COL4A6: variants seen among roughly 807,000 people sequenced by gnomAD.
COL4A6 encodes collagen type IV alpha 6 chain.
Under a neutral mutation model 126.7 loss-of-function variants are expected in COL4A6, and 59 were observed. The observed-to-expected ratio is 0.47, with a 90% confidence interval of 0.38 to 0.58. COL4A6 has a LOEUF of 0.58. COL4A6 is among the 20% of genes least tolerant of loss of function. The pLI, the probability that COL4A6 is intolerant of heterozygous loss-of-function variation, is 0.00. For missense variants in COL4A6, 1,285 were observed against 1,337.3 expected, an observed-to-expected ratio of 0.96 and a Z score of 0.61; for synonymous variants, 547 against 496.6, an observed-to-expected ratio of 1.10 and a Z score of -1.35.
At chrX:108,387,577 C>A (rs1437449900) in intron 2 of COL4A6, among the ~76,000 whole-genome samples, 2 of 112,091 alleles carry the variant, frequency 1.8e-5, no homozygotes, top group Non-Finnish European at 3.8e-5. Context: ...TATCCTGAGA[C>A]TTTGCTGAAG....
intron 2 of COL4A6, among the ~76,000 whole-genome samples, chrX:108,338,429 C>T (rs1234080443): frequency 1.8e-5 from 2 of 111,973 alleles, no homozygotes; most frequent in Non-Finnish European, 3.8e-5. Flanking sequence ...GACTTGTAAT[C>T]TTTGTAAAGA....
At chrX:108,211,848 G>A in intron 6 of COL4A6, 108 bp from the exon 7 acceptor site, 1 of 792,751 alleles carries the variant, frequency 1.3e-6, no homozygotes, top group Non-Finnish European at 1.8e-6. Flanking sequence ...GAAACCATGT[G>A]GCTTTTTCTA....
At chrX:108,389,984 A>T (rs1016863055) in intron 2 of COL4A6, among the ~76,000 whole-genome samples, 109 of 111,674 alleles carry the variant, frequency 9.8e-4, no homozygotes, top group Non-Finnish European at 9.0e-4. Context: ...TCCTTCACTT[A>T]TGAAGCTTAG....
chrX:108,239,002 T>A (rs139587799), intron 3 of COL4A6, among the ~76,000 whole-genome samples: 173 of 112,383 alleles, frequency 1.5e-3, no homozygotes, highest in African/African-American at 5.4e-3. Flanking sequence ...CCTTCTGTGG[T>A]CTGTCCATTC....
intron 2 of COL4A6, among the ~76,000 whole-genome samples, chrX:108,410,177 G>A (rs981924023): frequency 4.5e-5 from 5 of 111,384 alleles, no homozygotes; most frequent in African/African-American, 1.6e-4. Context: ...CAATGAAGAA[G>A]CCAGAGGAAA....
rs371905763 is a variant in COL4A6, at chrX:108,188,485, C to T, written c.1587+32G>A. ...GAAGGGCACTTGAAAGATTCCATTG[C>T]TTCCTCAGGGTCAAAGTTTGGCAAG... On this transcript the variant is annotated intron_variant, in intron 21 of 44. Transcript: ENST00000334504. 3.7e-6 allele frequency: 4 copies of T among 1,075,182 alleles called. No individual in the cohort carries two copies. In the African/African-American group the frequency reaches 7.7e-5, roughly 21 times the overall value. The allele number at this position is 1,075,182 out of a possible 1,213,427, so 88.6% of individuals were successfully genotyped here. A position where few individuals can be genotyped will look rare whatever the true frequency, so the allele number is the denominator to read the frequency against.
chrX:108,234,437 C>T (rs1425263750), intron 3 of COL4A6, among the ~76,000 whole-genome samples: 1 of 112,141 alleles, frequency 8.9e-6, no homozygotes, highest in South Asian at 3.8e-4. Context: ...CAATCAATTA[C>T]GTAGATGCAC....
At chrX:108,234,623 A>G (rs2036391462) in intron 3 of COL4A6, among the ~76,000 whole-genome samples, 1 of 111,899 alleles carries the variant, frequency 8.9e-6, no homozygotes, top group Non-Finnish European at 1.9e-5. Context: ...TCCTTGAGGA[A>G]CTCTCAATCC....
intron 3 of COL4A6, among the ~76,000 whole-genome samples, chrX:108,226,541 C>T (rs1569366410): frequency 9.0e-6 from 1 of 110,906 alleles, no homozygotes; most frequent in Non-Finnish European, 1.9e-5. Flanking sequence ...AAACCTGAAC[C>T]TCCAGCCCAG....
intron 3 of COL4A6, among the ~76,000 whole-genome samples, chrX:108,301,068 T>G (rs768736452): frequency 9.8e-5 from 11 of 112,793 alleles, no homozygotes; most frequent in African/African-American, 3.2e-4. Flanking sequence ...CTTAGAGAGT[T>G]GCTGTGCAAT....
At chrX:108,374,235 A>C (rs896625684) in intron 2 of COL4A6, among the ~76,000 whole-genome samples, 5 of 112,287 alleles carry the variant, frequency 4.5e-5, no homozygotes, top group African/African-American at 1.6e-4. Flanking sequence ...AAATGAGCCA[A>C]TCTAGAAGCA....
chrX:108,193,825 C>A (rs2035132023), intron 16 of COL4A6, 128 bp from the exon 17 acceptor site: 2 of 498,503 alleles, frequency 4.0e-6, no homozygotes, highest in Non-Finnish European at 6.8e-6. Flanking sequence ...TTTTCAAGAT[C>A]AACTAGTCCA....
At position 108,297,584 on chromosome X, in the gene COL4A6, T is replaced by C. The variant is rs2038359897; in HGVS notation, c.144+13164A>G. Among the ~76,000 whole-genome samples the C allele has an allele frequency of 2.7e-5, 3 of 110,972 alleles. No individual in the cohort carries two copies. In the South Asian group the frequency reaches 1.2e-3, roughly 43 times the overall value. On this transcript the variant is annotated intron_variant, in intron 3 of 44. Coordinates refer to ENST00000334504, the MANE Select transcript of COL4A6 (RefSeq NM_033641.4). ...GGTTGAGAATCAATGGGTAAATGTGTATCATTTACACATCTAGTAAATGAT... is the reference window on the plus strand; with the variant it reads ...GGTTGAGAATCAATGGGTAAATGTGCATCATTTACACATCTAGTAAATGAT...
Position 108,273,833 on chromosome X carries a change from G to A in COL4A6, c.144+36915C>T, listed in dbSNP as rs138420998. On this transcript the variant is annotated intron_variant, in intron 3 of 44. Transcript: ENST00000334504. ...GCTGTTTCAAATCTCAGCTTCAATT[G>A]TTCCATTCCTTTACTCAAAATCTTT... 4.5e-3 allele frequency among the ~76,000 whole-genome samples: 500 copies of A among 112,125 alleles called. 6 individuals are homozygous for A. The highest frequency in any genetic ancestry group is 0.015 in the African/African-American group (468 of 30,897).
At chrX:108,329,508 T>A (rs1278408320) in intron 2 of COL4A6, among the ~76,000 whole-genome samples, 1 of 111,802 alleles carries the variant, frequency 8.9e-6, no homozygotes, top group Non-Finnish European at 1.9e-5. Flanking sequence ...GGATATTCGA[T>A]TATATTATAT....
rs746600460 is a variant in COL4A6 at position 108,210,019 on chromosome X, C to T, written c.511-15G>A. ...CCAGGATCCCCCTGAGAAACAAAGG[C>T]AGGACACTGAAGAGTTTAATAAATT... is the stretch of plus-strand genomic sequence containing the variant. On this transcript the variant is annotated splice_polypyrimidine_tract_variant and intron_variant, in intron 7 of 44. Coordinates refer to ENST00000334504, the MANE Select transcript of COL4A6 (RefSeq NM_033641.4). The T allele has an allele frequency of 1.6e-5, 19 of 1,204,261 alleles. No individual in the cohort carries two copies. In the Admixed American group the frequency reaches 3.1e-4, roughly 20 times the overall value.
chrX:108,371,634 G>A (rs1237199709), intron 2 of COL4A6, among the ~76,000 whole-genome samples: 12 of 106,158 alleles, frequency 1.1e-4, no homozygotes, highest in African/African-American at 4.1e-4. Flanking sequence ...GTGCATGCCT[G>A]TAGTTCCAGC....
intron 3 of COL4A6, among the ~76,000 whole-genome samples, chrX:108,275,378 C>T (rs1359316879): frequency 2.7e-5 from 3 of 112,065 alleles, no homozygotes; most frequent in Non-Finnish European, 5.6e-5. Flanking sequence ...AGTACCCTGG[C>T]CCATATTTAT....
At chrX:108,174,348 A>C (rs1324144838) in intron 31 of COL4A6, 92 bp downstream of exon 31, 1 of 934,216 alleles carries the variant, frequency 1.1e-6, no homozygotes, top group African/African-American at 1.9e-5. Context: ...GCTGAGAAGT[A>C]AGCTGGGATC....
Sources: gnomAD v4.1 joint callset for allele counts (sites outside exome capture counted in the v4.1 genomes callset) on GRCh38, gnomAD v4.1.1 for gene constraint, MANE v1.5 for transcripts, NCBI Gene and HGNC (gene_info 2026-07-23, HGNC 2026-07-21) for gene names.